SSH2: variants seen among roughly 807,000 people sequenced by gnomAD.
The protein encoded by SSH2 is protein phosphatase Slingshot homolog 2.
In SSH2, 37 loss-of-function variants were observed where a neutral mutation model predicts 135.2. The ratio of observed to expected loss-of-function variants is 0.27; its 90% CI spans 0.21 to 0.36. The LOEUF (loss-of-function observed/expected upper bound fraction) is 0.36. Ranked by LOEUF, SSH2 falls within the 10% of genes least tolerant of loss-of-function variation. The pLI, the probability that SSH2 is intolerant of heterozygous loss-of-function variation, is 1.00. For missense variants in SSH2, 1,408 were observed against 1,765.3 expected (o/e 0.80, Z 3.63); for synonymous variants, 628 against 646.2 (o/e 0.97, Z 0.43).
chr17:29,916,461 T>C (rs997537580), intron 1 of SSH2, among the ~76,000 whole-genome samples: 1 of 151,794 alleles, frequency 6.6e-6, no homozygotes, highest in African/African-American at 2.4e-5. Context: ...AAGATTTTTT[T>C]TTTCTTTCTT....
chr17:29,833,905 TTCCCTCCCTCCCTGCCTCCTTCCC>T (rs1166812386), intron 2 of SSH2, among the ~76,000 whole-genome samples: 5 of 74,688 alleles, frequency 6.7e-5, no homozygotes, highest in Admixed American at 1.3e-4. Context: ...CCTTCCTTCC[TTCCCTCCCTCCCTGCCTCCTTCCC>T]TCCCTCCCTC....
intron 1 of SSH2, among the ~76,000 whole-genome samples, chr17:29,897,843 C>T (rs2066472942): frequency 1.3e-5 from 2 of 152,112 alleles, no homozygotes; most frequent in Non-Finnish European, 2.9e-5. Flanking sequence ...CAGCACCACA[C>T]TGCACTTATT....
chr17:29,778,135 A>C lies in SSH2; in HGVS notation c.188+15759T>G, dbSNP rs980448297. ...ATTATGGGATACATAAATGTTTTGC[A>C]TGGTGGAAAAAGGGTAGAGGCCACA... On this transcript the variant is annotated intron_variant, in intron 3 of 15. Transcript: ENST00000540801. Among the ~76,000 whole-genome samples the C allele has an allele frequency of 2.0e-5, 3 of 152,260 alleles. No individual in the cohort carries two copies. The East Asian group carries it at 5.8e-4, about 29-fold the overall frequency.
intron 1 of SSH2, among the ~76,000 whole-genome samples, chr17:29,926,823 AC>A (rs900532590): frequency 2.6e-5 from 4 of 151,920 alleles, no homozygotes; most frequent in African/African-American, 9.7e-5. Context: ...CACTTGCAAT[AC>A]TCTCTTCTTC....
intron 1 of SSH2, among the ~76,000 whole-genome samples, chr17:29,902,308 T>C (rs984303759): frequency 6.6e-6 from 1 of 152,216 alleles, no homozygotes; most frequent in Non-Finnish European, 1.5e-5. Flanking sequence ...GAGTGTGTCA[T>C]AACTACTTTA....
At chr17:29,640,800 T>C (rs1251436009) in intron 14 of SSH2, 1 of 152,192 alleles carries the variant, frequency 6.6e-6, no homozygotes, top group East Asian at 1.9e-4. Flanking sequence ...AATTTTGTGC[T>C]TATCATTCCC....
chr17:29,668,794 C>T (rs2037376220), intron 9 of SSH2, among the ~76,000 whole-genome samples: 1 of 152,022 alleles, frequency 6.6e-6, no homozygotes, highest in Non-Finnish European at 1.5e-5. Context: ...GGTCAGATTC[C>T]CTAGTTCCTA....
intron 1 of SSH2, among the ~76,000 whole-genome samples, chr17:29,923,153 G>T (rs555681826): frequency 6.6e-6 from 1 of 152,106 alleles, no homozygotes; most frequent in Non-Finnish European, 1.5e-5. Flanking sequence ...CTTGTGATCC[G>T]CCCACCTTGG....
chr17:29,773,720 C>T (rs1190177200), intron 3 of SSH2, among the ~76,000 whole-genome samples: 3 of 152,264 alleles, frequency 2.0e-5, no homozygotes, highest in East Asian at 1.9e-4. Flanking sequence ...TCTTGTTGCT[C>T]AGGCTGGAGT....
At position 29,651,827 on chromosome 17, in the gene SSH2, AT is replaced by A. The variant is rs58725661; in HGVS notation, c.1080-1028del. Among the ~76,000 whole-genome samples the A allele has an allele frequency of 0.024, 3,615 of 149,788 alleles. 311 individuals are homozygous for A. The East Asian group carries it at 0.28, about 12-fold the overall frequency. On this transcript the variant is annotated intron_variant, in intron 12 of 15. Coordinates refer to ENST00000540801, the MANE Select transcript of SSH2 (RefSeq NM_001282129.2). ...TTGGCATCAAAGCCCATTACTACAA[AT>A]TTTTTTTTTTATTTAATTTAAAAAG... is the stretch of plus-strand genomic sequence containing the variant.
chr17:29,777,250 T>G (rs1339334199), intron 3 of SSH2, among the ~76,000 whole-genome samples: 1 of 152,126 alleles, frequency 6.6e-6, no homozygotes, highest in African/African-American at 2.4e-5. Context: ...AAATTCATTA[T>G]GATTATCAGC....
intron 5 of SSH2, among the ~76,000 whole-genome samples, chr17:29,687,376 A>G (rs2038269158): frequency 6.6e-6 from 1 of 152,264 alleles, no homozygotes; most frequent in Non-Finnish European, 1.5e-5. Context: ...AATGCTTACC[A>G]TTCTGATGCC....
chr17:29,720,615 A>T (rs2039790889), intron 3 of SSH2, among the ~76,000 whole-genome samples: 1 of 152,206 alleles, frequency 6.6e-6, no homozygotes, highest in Non-Finnish European at 1.5e-5. Flanking sequence ...GTAACTGTTT[A>T]AATGCATATT....
chr17:29,929,948 G>A lies in SSH2; in HGVS notation c.53C>T (p.Pro18Leu), dbSNP rs753825036. The change falls in exon 1 of 16, where the codon CCC becomes CTC. Residue 18 changes from proline (P) to leucine (L), a missense_variant. By Grantham distance (98) the Pro-to-Leu change is moderately conservative. Coordinates refer to ENST00000540801, the MANE Select transcript of SSH2 (RefSeq NM_001282129.2). ...CCAGGAAGGACTCACCGAGGCGCAG[G>A]GGCTGGAGGTGGTGCTGGGGGTAGG... Reference protein sequence around the residue: ...RSPTPSTTSSPCASSSHLEDS... With the variant: ...RSPTPSTTSSLCASSSHLEDS... The A allele has an allele frequency of 6.2e-7, 1 of 1,602,434 alleles. No individual in the cohort carries two copies. The highest frequency in any genetic ancestry group is 8.5e-7 in the Non-Finnish European group (1 of 1,175,046).
chr17:29,788,842 A>C (rs537780645), intron 3 of SSH2, among the ~76,000 whole-genome samples: 127 of 152,342 alleles, frequency 8.3e-4, no homozygotes, highest in Middle Eastern at 3.4e-3. Flanking sequence ...AGGGATTGCT[A>C]AAGGCAATTC....
At chr17:29,880,521 T>C (rs2066118290) in intron 1 of SSH2, among the ~76,000 whole-genome samples, 2 of 152,182 alleles carry the variant, frequency 1.3e-5, no homozygotes, top group South Asian at 4.1e-4. Context: ...TGTATAACTT[T>C]CATGGTATTT....
At chr17:29,705,036 TC>T (rs1433369257) in intron 3 of SSH2, among the ~76,000 whole-genome samples, 1 of 152,124 alleles carries the variant, frequency 6.6e-6, no homozygotes, top group African/African-American at 2.4e-5. Flanking sequence ...ATTCTTGAGT[TC>T]CCCCACCCTC....
Position 29,709,052 on chromosome 17 carries a change from A to AGAGAGAGAGAGC in SSH2, c.189-5991_189-5990insGCTCTCTCTCTC, listed in dbSNP as rs1491229455. Among the ~76,000 whole-genome samples the AGAGAGAGAGAGC allele has an allele frequency of 1.6e-4, 23 of 144,600 alleles. 1 individual carries two copies. Among genetic ancestry groups the AGAGAGAGAGAGC allele is most frequent in the African/African-American group, 5.4e-4 (21 of 38,964 alleles). 94.9% of individuals were successfully genotyped at this position (144,600 alleles called of 152,430 possible). Reference sequence around the variant, plus strand: ...GAGAGAGAGAGAGAGAGAGAGAGAGAGCTAATAATAGCTAACTCAACTAGA... The same window carrying AGAGAGAGAGAGC: ...GAGAGAGAGAGAGAGAGAGAGAGAGAGAGAGAGAGAGCGCTAATAATAGCTAACTCAACTAGA... On this transcript the variant is annotated intron_variant, in intron 3 of 15. Transcript: ENST00000540801.
rs563803251 is a variant in SSH2 at position 29,770,092 on chromosome 17, GTTTTTTTTTTT to G, written c.188+23791_188+23801del. On this transcript the variant is annotated intron_variant, in intron 3 of 15. Coordinates refer to ENST00000540801, the MANE Select transcript of SSH2 (RefSeq NM_001282129.2). The stretch of plus-strand genomic sequence containing the variant: ...TCAAAACAAATTTTTGCTATATTTA[GTTTTTTTTTTT>G]TTTTTTTTTTTTTTTTAACAGAGTC... Among the ~76,000 whole-genome samples, 5 of 72,930 alleles carry G rather than the reference GTTTTTTTTTTT, an allele frequency of 6.9e-5. No individual in the cohort carries two copies. The East Asian group carries it at 2.1e-3, about 31-fold the overall frequency. 47.8% of individuals were successfully genotyped at this position (72,930 alleles called of 152,430 possible).
Sources: gnomAD v4.1 joint callset for allele counts (sites outside exome capture counted in the v4.1 genomes callset) on GRCh38, gnomAD v4.1.1 for gene constraint, MANE v1.5 for transcripts, NCBI Gene and HGNC (gene_info 2026-07-23, HGNC 2026-07-21) for gene names.